RBM20: variants seen among roughly 807,000 people sequenced by gnomAD.
RBM20 encodes RNA-binding protein 20.
RBM20 carries 51 observed loss-of-function variants against 110.1 expected under a neutral mutation model. The observed-to-expected ratio is 0.46, with a 90% CI of 0.37 to 0.59. RBM20 has a LOEUF of 0.59. Among genes scored for constraint, RBM20 ranks in the 20% least tolerant of loss-of-function variants. The pLI, the probability that RBM20 is intolerant of heterozygous loss-of-function variation, is 0.00. For missense variants in RBM20, 1,512 were observed against 1,574.9 expected (o/e 0.96, Z 0.68); for synonymous variants, 589 against 618.2 (o/e 0.95, Z 0.70).
chr10:110,756,325 C>T (rs1033092166), intron 1 of RBM20: 2 of 152,330 alleles, frequency 1.3e-5, no homozygotes, highest in Admixed American at 6.5e-5. Context: ...TGGACTTCTC[C>T]TCTGTGGAAA....
chr10:110,811,884 G>A (rs1443208304), intron 8 of RBM20, among the ~76,000 whole-genome samples: 1 of 152,200 alleles, frequency 6.6e-6, no homozygotes, highest in Non-Finnish European at 1.5e-5. Context: ...CCACTAGGCT[G>A]GACTAGGGCA....
At chr10:110,771,229 G>T (rs1180908790) in intron 1 of RBM20, among the ~76,000 whole-genome samples, 1 of 151,930 alleles carries the variant, frequency 6.6e-6, no homozygotes, top group South Asian at 2.1e-4. Flanking sequence ...TGATCTCAGC[G>T]ATTCTCCTGC....
intron 1 of RBM20, among the ~76,000 whole-genome samples, chr10:110,666,203 T>C (rs1862176765): frequency 6.6e-6 from 1 of 152,244 alleles, no homozygotes; most frequent in African/African-American, 2.4e-5. Flanking sequence ...AATCATTATA[T>C]TATTCTCTCT....
Position 110,718,557 on chromosome 10 carries a change from GT to G in RBM20, c.192-62232del, listed in dbSNP as rs71032101. ...CATGTATTCTTCTATAACTTTTTTAGTTTTTTTTTTTTGAGATCTTTGATGT... is the reference window on the plus strand; with the variant it reads ...CATGTATTCTTCTATAACTTTTTTAGTTTTTTTTTTTGAGATCTTTGATGT... On this transcript the variant is annotated intron_variant, in intron 1 of 13. Coordinates refer to ENST00000369519, the MANE Select transcript of RBM20 (RefSeq NM_001134363.3). 3.0e-3 allele frequency among the ~76,000 whole-genome samples: 341 copies of G among 113,024 alleles called. 1 individual carries two copies. Among genetic ancestry groups the G allele is most frequent in the African/African-American group, 8.5e-3 (251 of 29,644 alleles). The allele number at this position is 113,024 out of a possible 152,430, so 74.1% of individuals were successfully genotyped here. A position where few individuals can be genotyped will look rare whatever the true frequency, so the allele number is the denominator to read the frequency against.
chr10:110,823,687 T>A (rs772662437), intron 12 of RBM20, 73 bp downstream of exon 12: 3 of 1,483,710 alleles, frequency 2.0e-6, no homozygotes, highest in Non-Finnish European at 2.7e-6. Flanking sequence ...CTCAAGAGCT[T>A]GAGAGAGCTT....
chr10:110,784,418 C>A lies in RBM20; in HGVS notation c.1415C>A (p.Pro472His). 1 of 1,551,246 alleles carries A rather than the reference C, an allele frequency of 6.4e-7. No homozygotes were observed. Among genetic ancestry groups the A allele is most frequent in the South Asian group, 1.2e-5 (1 of 84,018 alleles). ...CCCAACAGCACAGCTGTTTATAACCCTGCTGGGAATGAAGGTGAGCAAGGC... is the reference window on the plus strand; with the variant it reads ...CCCAACAGCACAGCTGTTTATAACCATGCTGGGAATGAAGGTGAGCAAGGC... ...ASPNSTAVYN[P>H]AGNEDYASNL... The change falls in exon 4 of 14, where the codon CCT becomes CAT. Residue 472 changes from proline to histidine, a missense_variant. Physicochemically the swap from Pro to His is moderately conservative, Grantham distance 77. This residue lies in a region of RBM20 where 1,149 missense variants were observed against 1,169.4 expected (regional missense o/e 0.98). Coordinates refer to ENST00000369519, the MANE Select transcript of RBM20 (RefSeq NM_001134363.3).
intron 1 of RBM20, among the ~76,000 whole-genome samples, chr10:110,732,349 A>G (rs1260368230): frequency 1.3e-5 from 2 of 151,972 alleles, no homozygotes; most frequent in Non-Finnish European, 2.9e-5. Context: ...TATGAGAATT[A>G]TTTTTTATGA....
chr10:110,715,971 A>G (rs977699241), intron 1 of RBM20, among the ~76,000 whole-genome samples: 4 of 152,264 alleles, frequency 2.6e-5, no homozygotes, highest in African/African-American at 9.6e-5. Flanking sequence ...CATGAGCACT[A>G]GAAGTCTCTC....
In RBM20 at chr10:110,650,651, A is replaced by G. The variant is rs150941889; in HGVS notation, c.191+6006A>G. Among the ~76,000 whole-genome samples, 371 of 152,258 alleles carry G rather than the reference A, an allele frequency of 2.4e-3. 1 individual carries two copies. Among genetic ancestry groups the G allele is most frequent in the Non-Finnish European group, 4.2e-3 (285 of 68,022 alleles). On this transcript the variant is annotated intron_variant, in intron 1 of 13. Coordinates refer to ENST00000369519, the MANE Select transcript of RBM20 (RefSeq NM_001134363.3). ...TTTGCACCTGCTTTCTCTTGATCAC[A>G]CTAATGACCCATCAGTTCTCAGTTA...
At chr10:110,669,507 A>G (rs1208469922) in intron 1 of RBM20, among the ~76,000 whole-genome samples, 1 of 152,240 alleles carries the variant, frequency 6.6e-6, no homozygotes, top group Non-Finnish European at 1.5e-5. Context: ...CCTTTCAACA[A>G]AACTTTGGAT....
At chr10:110,755,449 T>G (rs1378973826) in intron 1 of RBM20, among the ~76,000 whole-genome samples, 1 of 152,250 alleles carries the variant, frequency 6.6e-6, no homozygotes, top group African/African-American at 2.4e-5. Flanking sequence ...CAGAGTTGTT[T>G]TTAGCTGAGG....
At chr10:110,825,041 C>A (rs1844965847) in intron 12 of RBM20, among the ~76,000 whole-genome samples, 1 of 117,190 alleles carries the variant, frequency 8.5e-6, no homozygotes, top group Admixed American at 1.0e-4. Context: ...GGAGAGCAAA[C>A]TTCCTTTTTT....
chr10:110,726,975 T>C (rs919757687), intron 1 of RBM20, among the ~76,000 whole-genome samples: 1 of 151,808 alleles, frequency 6.6e-6, no homozygotes, highest in Admixed American at 6.6e-5. Context: ...GCCTCCGGAG[T>C]AGCTGGTATC....
intron 1 of RBM20, among the ~76,000 whole-genome samples, chr10:110,711,329 CAAAAAAAAAAA>C (rs1157753270): frequency 8.6e-3 from 243 of 28,402 alleles, no homozygotes; most frequent in South Asian, 0.072. Context: ...GACTCCATCT[CAAAAAAAAAAA>C]AAAAAAAAAA....
At chr10:110,652,256 G>A (rs892409020) in intron 1 of RBM20, among the ~76,000 whole-genome samples, 1 of 152,156 alleles carries the variant, frequency 6.6e-6, no homozygotes, top group Non-Finnish European at 1.5e-5. Context: ...TTGAAAAGAT[G>A]TGTATGAGTG....
At chr10:110,800,295 C>A (rs951256178) in intron 7 of RBM20, among the ~76,000 whole-genome samples, 5 of 152,166 alleles carry the variant, frequency 3.3e-5, no homozygotes, top group African/African-American at 1.2e-4. Flanking sequence ...TTCTGTCACC[C>A]CCTTGATCTC....
At chr10:110,815,380 A>G (rs1844825428) in intron 9 of RBM20, among the ~76,000 whole-genome samples, 1 of 152,178 alleles carries the variant, frequency 6.6e-6, no homozygotes, top group African/African-American at 2.4e-5. Flanking sequence ...TAGCAGGAGG[A>G]AGAACAGGAG....
chr10:110,647,155 A>G (rs893141495), intron 1 of RBM20, among the ~76,000 whole-genome samples: 2 of 152,234 alleles, frequency 1.3e-5, no homozygotes, highest in African/African-American at 4.8e-5. Flanking sequence ...GAAAAACCAT[A>G]GTAACAATTA....
At chr10:110,734,016 CT>C (rs151040747) in intron 1 of RBM20, among the ~76,000 whole-genome samples, 22,162 of 151,928 alleles carry the variant, frequency 0.15, 2,161 homozygotes, top group East Asian at 0.27. Flanking sequence ...CATTTCTTCT[CT>C]TTTTTTTGTA....
Sources: gnomAD v4.1 joint callset for allele counts (sites outside exome capture counted in the v4.1 genomes callset) on GRCh38, gnomAD v4.1.1 for gene constraint, gnomAD v4.1.1 regional missense constraint, MANE v1.5 for transcripts, NCBI Gene and HGNC (gene_info 2026-07-23, HGNC 2026-07-21) for gene names.